The following ABCC4 variants were observed in gnomAD, a reference collection of about 807,000 sequenced individuals.
ABCC4 encodes ATP binding cassette subfamily C member 4 (PEL blood group).
In ABCC4, 102 loss-of-function variants were observed where a neutral mutation model predicts 168.5. That is an observed-to-expected ratio of 0.61 (90% CI 0.52 to 0.71). ABCC4 has a LOEUF of 0.71. Among genes scored for constraint, ABCC4 ranks in the 30% least tolerant of loss-of-function variants. The pLI is 0.00. For synonymous variants in ABCC4, 617 were observed against 590.7 expected (o/e 1.04, Z -0.65); for missense variants, 1,402 against 1,605.8 (o/e 0.87, Z 2.17).
At chr13:95,079,632 C>T (rs957676405) in intron 21 of ABCC4, among the ~76,000 whole-genome samples, 3 of 152,102 alleles carry the variant, frequency 2.0e-5, no homozygotes, top group East Asian at 1.9e-4. Context: ...GTCAGGAGTT[C>T]GAGACCAGCC....
At chr13:95,117,767 C>T (rs1442900000) in intron 19 of ABCC4, among the ~76,000 whole-genome samples, 2 of 147,136 alleles carry the variant, frequency 1.4e-5, no homozygotes, top group Admixed American at 1.4e-4. Flanking sequence ...AAGTTGAAAG[C>T]AATATTCAAA....
At chr13:95,270,243 C>T (rs1449210615) in intron 1 of ABCC4, among the ~76,000 whole-genome samples, 1 of 148,386 alleles carries the variant, frequency 6.7e-6, no homozygotes, top group Non-Finnish European at 1.5e-5. Context: ...TTTCTCTAAT[C>T]AACAATGACT....
At chr13:95,121,452 G>T (rs1265787726) in intron 19 of ABCC4, among the ~76,000 whole-genome samples, 1 of 141,092 alleles carries the variant, frequency 7.1e-6, no homozygotes, top group African/African-American at 2.7e-5. Context: ...TTTGAGAAAA[G>T]GTCTCACTCT....
At chr13:95,194,686 C>T (rs1362549869) in intron 9 of ABCC4, 150 bp downstream of exon 9, 6 of 575,332 alleles carry the variant, frequency 1.0e-5, no homozygotes, top group Non-Finnish European at 1.8e-5. Context: ...AATTGCAAAA[C>T]TTACTCCTAA....
intron 8 of ABCC4, among the ~76,000 whole-genome samples, chr13:95,202,010 C>G (rs909453727): frequency 1.3e-5 from 2 of 152,182 alleles, no homozygotes; most frequent in Non-Finnish European, 1.5e-5. Context: ...TTTTATGTGT[C>G]AGCTTGGCTA....
In ABCC4 at chr13:95,022,157, C is replaced by T. The variant is rs149201444; in HGVS notation, c.3871-475G>A. On this transcript the variant is annotated intron_variant, in intron 30 of 30. Transcript: ENST00000645237. ...ACAAGCATTGAAATGCTGGCATATACGTATGAAACATCCCGGCGTTTAATT... is the reference window on the plus strand; with the variant it reads ...ACAAGCATTGAAATGCTGGCATATATGTATGAAACATCCCGGCGTTTAATT... Among the ~76,000 whole-genome samples the T allele has an allele frequency of 2.3e-3, 350 of 152,246 alleles. 1 individual carries two copies. Among genetic ancestry groups the T allele is most frequent in the African/African-American group, 5.9e-3 (246 of 41,540 alleles).
intron 19 of ABCC4, among the ~76,000 whole-genome samples, chr13:95,143,086 C>T (rs547526988): frequency 5.9e-5 from 9 of 152,224 alleles, no homozygotes; most frequent in Middle Eastern, 3.4e-3. Flanking sequence ...TGGATTGGTA[C>T]ATGTGTGACT....
chr13:95,164,967 G>C (rs1424444057), intron 15 of ABCC4, among the ~76,000 whole-genome samples: 1 of 152,154 alleles, frequency 6.6e-6, no homozygotes, highest in East Asian at 1.9e-4. Flanking sequence ...AAAGCGCTGG[G>C]ATTGCAGGCA....
chr13:95,259,948 C>T (rs774157017), intron 1 of ABCC4, among the ~76,000 whole-genome samples: 39 of 152,074 alleles, frequency 2.6e-4, no homozygotes, highest in African/African-American at 6.0e-4. Flanking sequence ...TCCCAGCTCA[C>T]GAGACTCATC....
intron 20 of ABCC4, among the ~76,000 whole-genome samples, chr13:95,109,802 GTAAACTCATAGAAGAAGGGAATTCAATT>G (rs1216202874): frequency 1.1e-4 from 17 of 152,250 alleles, no homozygotes; most frequent in Admixed American, 9.8e-4. Context: ...TCCCAATAGA[GTAAACTCATAGAAGAAGGGAATTCAATT>G]TCACTTAGCC....
intron 20 of ABCC4, among the ~76,000 whole-genome samples, chr13:95,086,844 G>A (rs1212079110): frequency 6.6e-6 from 1 of 152,146 alleles, no homozygotes; most frequent in Non-Finnish European, 1.5e-5. Flanking sequence ...TTAATCAGTA[G>A]ATGGTATTTT....
Position 95,053,977 on chromosome 13 carries a change from CAAAAAAA to C in ABCC4, c.3367-800_3367-794del, listed in dbSNP as rs3046307. 2.1e-5 allele frequency: 2 copies of C among 93,060 alleles called. 1 individual carries two copies. Among genetic ancestry groups the C allele is most frequent in the Admixed American group, 2.5e-4 (2 of 7,990 alleles). 5.8% of individuals were successfully genotyped at this position (93,060 alleles called of 1,614,324 possible). ...GGGCAACAAGAGCAAAACTCCTTCT[CAAAAAAA>C]AAAAAAAAAATCTCTCCAATGTCAG... On this transcript the variant is annotated intron_variant, in intron 26 of 30. Transcript: ENST00000645237.
intron 19 of ABCC4, among the ~76,000 whole-genome samples, chr13:95,159,134 A>ATATATATAG (rs2036998473): frequency 6.5e-5 from 3 of 46,396 alleles, no homozygotes; most frequent in East Asian, 7.6e-4. Flanking sequence ...TATATATATA[A>ATATATATAG]CTATTGAAGT....
chr13:95,224,830 T>G (rs189658642), intron 4 of ABCC4, among the ~76,000 whole-genome samples: 3 of 152,102 alleles, frequency 2.0e-5, no homozygotes, highest in African/African-American at 7.2e-5. Flanking sequence ...AGGGAAGGAA[T>G]GAAGAGCACC....
intron 30 of ABCC4, among the ~76,000 whole-genome samples, chr13:95,027,032 C>A (rs1218664385): frequency 1.3e-5 from 2 of 152,060 alleles, no homozygotes; most frequent in African/African-American, 4.8e-5. Flanking sequence ...AGGTGTGACC[C>A]AATAATTTTA....
At chr13:95,166,799 C>G (rs1217111695) in intron 14 of ABCC4, among the ~76,000 whole-genome samples, 1 of 152,150 alleles carries the variant, frequency 6.6e-6, no homozygotes, top group African/African-American at 2.4e-5. Context: ...CTCCACAAGC[C>G]TCCACTGGCC....
chr13:95,168,506 C>T (rs749827422), intron 14 of ABCC4, among the ~76,000 whole-genome samples: 28 of 152,298 alleles, frequency 1.8e-4, no homozygotes, highest in Admixed American at 3.3e-4. Flanking sequence ...TTATATACCC[C>T]GTTTGTTGCA....
intron 20 of ABCC4, among the ~76,000 whole-genome samples, chr13:95,087,390 A>G (rs1005841497): frequency 3.3e-5 from 5 of 152,130 alleles, no homozygotes; most frequent in African/African-American, 1.2e-4. Flanking sequence ...GTGGTGGTGC[A>G]TGCCTGCAAT....
At chr13:95,248,171 C>A (rs771554681) in intron 1 of ABCC4, among the ~76,000 whole-genome samples, 1 of 152,104 alleles carries the variant, frequency 6.6e-6, no homozygotes, top group Non-Finnish European at 1.5e-5. Flanking sequence ...AACAGAGGAC[C>A]CAGCTTGACG....
Sources: allele counts gnomAD v4.1 joint callset (sites outside exome capture counted in the v4.1 genomes callset), GRCh38; gene constraint gnomAD v4.1.1; transcripts MANE v1.5; gene names NCBI Gene and HGNC (gene_info 2026-07-23, HGNC 2026-07-21).